TRDN: variants seen among roughly 807,000 people sequenced by gnomAD.
The protein encoded by TRDN is triadin, also known as triadin in skeletal muscle.
Under a neutral mutation model 149.7 loss-of-function variants are expected in TRDN, and 161 were observed. The ratio of observed to expected loss-of-function variants is 1.08; its 90% CI spans 0.95 to 1.23. The LOEUF is 1.23. TRDN is among the 50% of genes most tolerant of loss of function. The pLI is 0.00. For synonymous variants in TRDN, 294 were observed against 250.5 expected (o/e 1.17, Z -1.64); for missense variants, 896 against 823.5 (o/e 1.09, Z -1.08).
At chr6:123,601,987 T>C (rs574013456) in intron 1 of TRDN, among the ~76,000 whole-genome samples, 1 of 152,196 alleles carries the variant, frequency 6.6e-6, no homozygotes, top group Admixed American at 6.6e-5. Context: ...AGCTAGACTT[T>C]ATCAATTCTA....
chr6:123,216,571 G>C lies in TRDN; in HGVS notation c.*2030C>G, dbSNP rs925038745. On this transcript the variant is annotated 3_prime_UTR_variant, in exon 41 of 41. Coordinates refer to ENST00000334268, the MANE Select transcript of TRDN (RefSeq NM_006073.4). ...TGAAAGAAACAGTAAAATAGTCAGAGGAAAAACTAGTGCCATACCCAAAAG... is the reference window on the plus strand; with the variant it reads ...TGAAAGAAACAGTAAAATAGTCAGACGAAAAACTAGTGCCATACCCAAAAG... 1 of 151,648 alleles carries C rather than the reference G, an allele frequency of 6.6e-6. No individual in the cohort carries two copies. The highest frequency in any genetic ancestry group is 1.5e-5 in the Non-Finnish European group (1 of 67,846). The allele number at this position is 151,648 out of a possible 1,614,324, so 9.4% of individuals were successfully genotyped here.
In TRDN at chr6:123,438,242, C is replaced by CA. The variant is rs1259526500; in HGVS notation, c.992-121dup. ...TTGTATAGAGAAATCTTAAATCAGC[C>CA]ATAAGTCATGTCAAATATGAATAAG... On this transcript the variant is annotated intron_variant, in intron 11 of 40. Transcript: ENST00000334268. The CA allele has an allele frequency of 1.3e-5, 9 of 706,170 alleles. No homozygotes were observed. The Admixed American group carries it at 2.6e-4, about 21-fold the overall frequency. The allele number at this position is 706,170 out of a possible 1,614,324, so 43.7% of individuals were successfully genotyped here.
intron 38 of TRDN, among the ~76,000 whole-genome samples, chr6:123,229,511 C>T (rs1003118024): frequency 6.6e-6 from 1 of 151,890 alleles, no homozygotes; most frequent in Non-Finnish European, 1.5e-5. Context: ...TAAGAAATTA[C>T]CTCTGTTCTC....
At chr6:123,332,572 A>G (rs1779700881) in intron 22 of TRDN, among the ~76,000 whole-genome samples, 1 of 152,094 alleles carries the variant, frequency 6.6e-6, no homozygotes, top group Admixed American at 6.6e-5. Context: ...GGCTCCAGAC[A>G]CATATATGGT....
rs1784723683 is a variant in TRDN at position 123,610,057 on chromosome 6, T to C, written c.22+26697A>G. On this transcript the variant is annotated intron_variant, in intron 1 of 40. Coordinates refer to ENST00000334268, the MANE Select transcript of TRDN (RefSeq NM_006073.4). ...TTATATGGAACAACCACAAGTGATT[T>C]CAAAAATAGCTTTAATTTTCACCTG... 2.6e-5 allele frequency among the ~76,000 whole-genome samples: 4 copies of C among 152,162 alleles called. No homozygotes were observed. In the South Asian group the frequency reaches 8.3e-4, roughly 32 times the overall value.
chr6:123,596,941 AAC>A (rs1345018535), intron 1 of TRDN, among the ~76,000 whole-genome samples: 60 of 152,196 alleles, frequency 3.9e-4, no homozygotes, highest in African/African-American at 1.4e-3. Flanking sequence ...GATGCCCCCT[AAC>A]ACAAAAATCT....
chr6:123,270,561 T>C (rs1315149718), intron 30 of TRDN, among the ~76,000 whole-genome samples: 3 of 151,986 alleles, frequency 2.0e-5, no homozygotes, highest in Non-Finnish European at 4.4e-5. Context: ...TCAAGACTCA[T>C]AAGTTTTCTT....
chr6:123,617,737 ATTTG>A (rs371522304), intron 1 of TRDN, among the ~76,000 whole-genome samples: 152 of 152,160 alleles, frequency 1.0e-3, no homozygotes, highest in African/African-American at 3.3e-3. Flanking sequence ...TGAAAAATAA[ATTTG>A]TTTGTTTGTT....
chr6:123,352,375 T>C (rs1412133514), intron 21 of TRDN, 164 bp downstream of exon 21: 15 of 1,370,636 alleles, frequency 1.1e-5, no homozygotes, highest in Non-Finnish European at 1.4e-5. Context: ...CAACCCAGAT[T>C]GCTGTCTCAC....
At chr6:123,597,844 A>G (rs1784107185) in intron 1 of TRDN, among the ~76,000 whole-genome samples, 1 of 151,770 alleles carries the variant, frequency 6.6e-6, no homozygotes, top group Non-Finnish European at 1.5e-5. Context: ...TATAACTTTT[A>G]TATGTACTGG....
chr6:123,333,653 A>C (rs2114730329), intron 22 of TRDN, among the ~76,000 whole-genome samples: 1 of 152,056 alleles, frequency 6.6e-6, no homozygotes, highest in Middle Eastern at 3.4e-3. Flanking sequence ...CTAACTACCC[A>C]AGGAAGTGAG....
At chr6:123,429,978 G>C (rs1199929541) in intron 12 of TRDN, among the ~76,000 whole-genome samples, 1 of 152,100 alleles carries the variant, frequency 6.6e-6, no homozygotes, top group Non-Finnish European at 1.5e-5. Flanking sequence ...CTTAATAAAA[G>C]ATAATACAAG....
intron 1 of TRDN, among the ~76,000 whole-genome samples, chr6:123,600,278 T>C (rs1784221648): frequency 6.6e-6 from 1 of 152,066 alleles, no homozygotes; most frequent in South Asian, 2.1e-4. Context: ...TGAAGACTTA[T>C]TAATGTGAAT....
At chr6:123,549,792 T>C (rs1781297801) in intron 2 of TRDN, among the ~76,000 whole-genome samples, 2 of 152,012 alleles carry the variant, frequency 1.3e-5, no homozygotes, top group African/African-American at 4.8e-5. Context: ...TGTGGTGAGA[T>C]GCAATCAGAT....
chr6:123,463,357 T>TAAATA (rs1015961527), intron 10 of TRDN, among the ~76,000 whole-genome samples: 1 of 146,136 alleles, frequency 6.8e-6, no homozygotes. Flanking sequence ...AAAAAATAAA[T>TAAATA]AATAAATAAA....
chr6:123,271,129 C>A lies in TRDN; in HGVS notation c.1720+10G>T, dbSNP rs1582805166. The A allele has an allele frequency of 3.3e-6, 5 of 1,507,248 alleles. No homozygotes were observed. Among genetic ancestry groups the A allele is most frequent in the Non-Finnish European group, 4.5e-6 (5 of 1,121,870 alleles). 93.4% of individuals were successfully genotyped at this position (1,507,248 alleles called of 1,614,324 possible). A position where few individuals can be genotyped will look rare whatever the true frequency, so the allele number is the denominator to read the frequency against. On this transcript the variant is annotated intron_variant, in intron 30 of 40. Transcript: ENST00000334268. ...GAGACATAGAAAAAAATATAAAATA[C>A]CTTATTTACCTGTTTTTTCTATTGT...
intron 8 of TRDN, chr6:123,501,876 G>A: frequency 1.0e-6 from 1 of 959,058 alleles, no homozygotes; most frequent in Non-Finnish European, 1.2e-6. Flanking sequence ...TGATAGAAAT[G>A]AAATACAATA....
intron 22 of TRDN, among the ~76,000 whole-genome samples, chr6:123,336,872 T>C (rs1779891673): frequency 6.6e-6 from 1 of 151,486 alleles, no homozygotes; most frequent in Non-Finnish European, 1.5e-5. Context: ...AACACATATA[T>C]ACGTACTACA....
intron 38 of TRDN, among the ~76,000 whole-genome samples, chr6:123,229,730 A>G (rs892630781): frequency 1.3e-5 from 2 of 151,916 alleles, no homozygotes; most frequent in African/African-American, 4.8e-5. Context: ...TATGGACTCT[A>G]ATAAATATGG....
Sources: allele counts gnomAD v4.1 joint callset (sites outside exome capture counted in the v4.1 genomes callset), GRCh38; gene constraint gnomAD v4.1.1; transcripts MANE v1.5; gene names NCBI Gene and HGNC (gene_info 2026-07-23, HGNC 2026-07-21).